The following AFAP1 variants were observed in gnomAD, a reference collection of about 807,000 sequenced individuals.
AFAP1 encodes actin filament-associated protein 1.
A neutral mutation model predicts 93.9 loss-of-function variants in AFAP1; 75 were observed. The ratio of observed to expected loss-of-function variants is 0.80; its 90% CI spans 0.66 to 0.97. The LOEUF (loss-of-function observed/expected upper bound fraction) is 0.97. Among genes scored for constraint, AFAP1 ranks in the 50% least tolerant of loss-of-function variants. The pLI is 0.00. For synonymous variants in AFAP1, 517 were observed against 430.7 expected, an observed-to-expected ratio of 1.20 and a Z score of -2.48; for missense variants, 1,201 against 1,050.8, an observed-to-expected ratio of 1.14 and a Z score of -1.98.
At chr4:7,873,259 A>AC (rs1717217812) in intron 1 of AFAP1, among the ~76,000 whole-genome samples, 2 of 149,606 alleles carry the variant, frequency 1.3e-5, no homozygotes, top group South Asian at 2.1e-4. Context: ...AAAAAAAAAA[A>AC]AACCCCACTT....
chr4:7,786,947 C>A (rs1717319529), intron 11 of AFAP1, among the ~76,000 whole-genome samples: 4 of 152,262 alleles, frequency 2.6e-5, no homozygotes, highest in African/African-American at 9.6e-5. Context: ...TGCCACCCCA[C>A]ATCTCTTCAC....
At chr4:7,919,514 G>T (rs190667771) in intron 1 of AFAP1, among the ~76,000 whole-genome samples, 72 of 152,320 alleles carry the variant, frequency 4.7e-4, no homozygotes, top group African/African-American at 1.7e-3. Flanking sequence ...AGCCGATTGA[G>T]TTCTTATCAG....
At chr4:7,856,335 T>C (rs1177623165) in intron 3 of AFAP1, among the ~76,000 whole-genome samples, 1 of 152,078 alleles carries the variant, frequency 6.6e-6, no homozygotes, top group East Asian at 1.9e-4. Flanking sequence ...CTCTGCCTCC[T>C]GGGTTCATGC....
rs756027933 is a variant in AFAP1 at position 7,843,273 on chromosome 4, G to C, written c.412C>G (p.Arg138Gly). The C allele has an allele frequency of 6.8e-6, 11 of 1,614,100 alleles. No individual in the cohort carries two copies. Among genetic ancestry groups the C allele is most frequent in the Non-Finnish European group, 9.3e-6 (11 of 1,180,016 alleles). Reference sequence around the variant, plus strand: ...GCCTCCTCGGAGGGCCACTGGTGCCGGGTTTTCTTCCCCTTCCCATCCTCC... The same window carrying C: ...GCCTCCTCGGAGGGCCACTGGTGCCCGGTTTTCTTCCCCTTCCCATCCTCC... ...EEEDGKGKKT[R>G]HQWPSEEASM... Residue 138 changes from arginine to glycine, a missense_variant, in exon 5 of 18, where the codon CGG becomes GGG. Transcript: ENST00000420658.
intron 6 of AFAP1, among the ~76,000 whole-genome samples, chr4:7,827,281 G>A (rs1186309281): frequency 1.3e-5 from 2 of 152,106 alleles, no homozygotes; most frequent in African/African-American, 4.8e-5. Flanking sequence ...ACTTCAAAAG[G>A]AGAGGAGAGG....
At chr4:7,792,422 C>A (rs868149024) in intron 11 of AFAP1, among the ~76,000 whole-genome samples, 2 of 152,128 alleles carry the variant, frequency 1.3e-5, no homozygotes, top group South Asian at 4.1e-4. Context: ...AAGCTCACCA[C>A]GGCAGATGCA....
At chr4:7,812,592 C>A (rs1720143136) in intron 8 of AFAP1, among the ~76,000 whole-genome samples, 1 of 152,044 alleles carries the variant, frequency 6.6e-6, no homozygotes, top group Non-Finnish European at 1.5e-5. Context: ...AAGAAAAACT[C>A]AACACTCAGA....
chr4:7,894,451 A>T (rs914200238), intron 1 of AFAP1, among the ~76,000 whole-genome samples: 7 of 152,242 alleles, frequency 4.6e-5, no homozygotes, highest in Non-Finnish European at 1.0e-4. Flanking sequence ...CATTTAGCAC[A>T]GAGGAGCGTG....
chr4:7,871,214 C>T (rs1234464904), intron 2 of AFAP1, among the ~76,000 whole-genome samples: 2 of 152,184 alleles, frequency 1.3e-5, no homozygotes, highest in Non-Finnish European at 2.9e-5. Flanking sequence ...CCCAAAGCTG[C>T]TCTCTCTAGA....
chr4:7,885,334 T>C (rs1459732703), intron 1 of AFAP1, among the ~76,000 whole-genome samples: 5 of 152,302 alleles, frequency 3.3e-5, no homozygotes, highest in Non-Finnish European at 7.4e-5. Flanking sequence ...CACTGCTCTC[T>C]GCCCGGTATG....
At chr4:7,872,113 C>T in intron 1 of AFAP1, 33 bp from the exon 2 acceptor site, 1 of 1,610,698 alleles carries the variant, frequency 6.2e-7, no homozygotes, top group South Asian at 1.1e-5. Context: ...ATTATTAGAC[C>T]CAGTGATTTG....
chr4:7,796,515 C>T (rs1430920789), intron 10 of AFAP1, among the ~76,000 whole-genome samples: 2 of 151,876 alleles, frequency 1.3e-5, no homozygotes, highest in Non-Finnish European at 2.9e-5. Context: ...TTTGGGAGGC[C>T]GAGGCGGGCG....
chr4:7,853,896 G>C (rs1026694729), intron 4 of AFAP1, among the ~76,000 whole-genome samples: 1 of 152,172 alleles, frequency 6.6e-6, no homozygotes, highest in Non-Finnish European at 1.5e-5. Context: ...TTCCCCAGGC[G>C]TGAGTTCCTC....
intron 3 of AFAP1, among the ~76,000 whole-genome samples, chr4:7,867,168 C>T (rs1014146612): frequency 6.7e-6 from 1 of 150,244 alleles, no homozygotes; most frequent in African/African-American, 2.5e-5. Flanking sequence ...AGAAGGGCAG[C>T]ATCAAAGCCC....
intron 8 of AFAP1, among the ~76,000 whole-genome samples, chr4:7,813,360 G>C (rs1720213516): frequency 1.3e-5 from 2 of 152,206 alleles, no homozygotes; most frequent in African/African-American, 2.4e-5. Context: ...CACCATGCCA[G>C]ACAAAAAGAA....
At chr4:7,819,269 G>T in intron 6 of AFAP1, 98 bp from the exon 7 acceptor site, 1 of 1,123,664 alleles carries the variant, frequency 8.9e-7, no homozygotes. Context: ...TGGCGTGGTA[G>T]GGAAATTCAT....
At position 7,809,680 on chromosome 4, in the gene AFAP1, G is replaced by T; in HGVS notation, c.988C>A (p.Leu330Met). Residue 330 changes from leucine to methionine, a missense_variant, in exon 9 of 18, where the codon CTG becomes ATG. Coordinates refer to ENST00000420658, the MANE Select transcript of AFAP1 (RefSeq NM_001134647.2). ...TGKKITKIIS[L>M]GKKKPSTDEQ... ...TCTGTGGACGGCTTTTTCTTTCCCA[G>T]ACTGATGATCTTGGTGATTTTTTTC... 6.2e-7 allele frequency: 1 copy of T among 1,614,086 alleles called. No homozygotes were observed. Among genetic ancestry groups the T allele is most frequent in the Non-Finnish European group, 8.5e-7 (1 of 1,179,990 alleles).
chr4:7,832,507 AG>A (rs1711746672), intron 6 of AFAP1, among the ~76,000 whole-genome samples: 2 of 152,144 alleles, frequency 1.3e-5, no homozygotes, highest in South Asian at 4.1e-4. Context: ...GTGTTCTACC[AG>A]GTTTTCCCAC....
At chr4:7,843,716 A>C in intron 4 of AFAP1, 1 of 199,370 alleles carries the variant, frequency 5.0e-6, no homozygotes, top group Non-Finnish European at 1.0e-5. Context: ...TTGCCCATGG[A>C]GGTCCCTTGC....
Sources: gnomAD v4.1 joint callset for allele counts (sites outside exome capture counted in the v4.1 genomes callset) on GRCh38, gnomAD v4.1.1 for gene constraint, MANE v1.5 for transcripts, NCBI Gene and HGNC (gene_info 2026-07-23, HGNC 2026-07-21) for gene names.